Variants in PTPRK observed in about 807,000 individuals in gnomAD.
PTPRK encodes the protein protein tyrosine phosphatase receptor type K.
In PTPRK, 75 loss-of-function variants were observed where a neutral mutation model predicts 178.0. The ratio of observed to expected loss-of-function variants is 0.42; its 90% CI spans 0.35 to 0.51. The LOEUF (loss-of-function observed/expected upper bound fraction) is 0.51. Among genes scored for constraint, PTPRK ranks in the 20% least tolerant of loss-of-function variants. The probability of loss-of-function intolerance (pLI) is 0.02; values close to 1 mark genes in which losing one functional copy is unlikely to be tolerated. For missense variants in PTPRK, 1,441 were observed against 1,797.8 expected (o/e 0.80, Z 3.59); for synonymous variants, 637 against 620.6 (o/e 1.03, Z -0.39).
chr6:128,295,443 G>C (rs977909113), intron 3 of PTPRK, among the ~76,000 whole-genome samples: 1 of 151,670 alleles, frequency 6.6e-6, no homozygotes, highest in African/African-American at 2.4e-5. Context: ...AAGGAGGATG[G>C]ATTTTTTTAC....
intron 9 of PTPRK, among the ~76,000 whole-genome samples, chr6:128,083,195 A>T (rs1330191393): frequency 6.6e-6 from 1 of 152,100 alleles, no homozygotes; most frequent in Non-Finnish European, 1.5e-5. Context: ...AACTTAAATG[A>T]TTCTTTCATT....
intron 3 of PTPRK, among the ~76,000 whole-genome samples, chr6:128,257,930 G>C (rs1313374225): frequency 2.0e-5 from 3 of 152,026 alleles, no homozygotes; most frequent in Non-Finnish European, 2.9e-5. Context: ...CAAAGTTCCA[G>C]TTCTCAAAAA....
At chr6:128,008,111 G>A in intron 14 of PTPRK, 1 of 1,301,664 alleles carries the variant, frequency 7.7e-7, no homozygotes, top group Non-Finnish European at 1.0e-6. Context: ...TCGTAAAGAG[G>A]CAATATATTA....
chr6:128,451,787 T>C (rs1847829161), intron 1 of PTPRK, among the ~76,000 whole-genome samples: 1 of 152,166 alleles, frequency 6.6e-6, no homozygotes, highest in Non-Finnish European at 1.5e-5. Flanking sequence ...TAAACCTAAG[T>C]TATTTTAGAC....
chr6:128,033,022 T>C (rs868806042), intron 13 of PTPRK, among the ~76,000 whole-genome samples: 1 of 152,208 alleles, frequency 6.6e-6, no homozygotes, highest in Non-Finnish European at 1.5e-5. Flanking sequence ...GCTGTTTTTA[T>C]GTCTGAATAG....
intron 6 of PTPRK, among the ~76,000 whole-genome samples, chr6:128,205,603 T>C (rs935935626): frequency 6.6e-6 from 1 of 151,338 alleles, no homozygotes; most frequent in African/African-American, 2.4e-5. Flanking sequence ...CGAAACCCCA[T>C]CTCTATTAAA....
At chr6:128,339,980 G>A (rs1439975878) in intron 2 of PTPRK, among the ~76,000 whole-genome samples, 1 of 152,088 alleles carries the variant, frequency 6.6e-6, no homozygotes, top group Non-Finnish European at 1.5e-5. Flanking sequence ...AAATCCAAAG[G>A]TCAGAATTGC....
chr6:128,012,759 T>C (rs1304413503), intron 13 of PTPRK, among the ~76,000 whole-genome samples: 1 of 151,496 alleles, frequency 6.6e-6, no homozygotes, highest in African/African-American at 2.4e-5. Context: ...AAATTAAAAC[T>C]ATCTTAATAG....
At position 128,067,689 on chromosome 6, in the gene PTPRK, T is replaced by C. The variant is rs1016379668; in HGVS notation, c.1987A>G (p.Ser663Gly). ...QVPVTYQNAM[S>G]GGAPYYFAAE... is the part of the protein sequence containing the mutation. ...GCAAAGTAATACGGTGCACCCCCAC[T>C]CATGGCATTTTGGTATGTGACAGGA... Residue 663 changes from serine to glycine, a missense_variant, in exon 12 of 30, where the codon AGT becomes GGT. Ser to Gly is a moderately conservative substitution (Grantham distance 56). This residue lies in a region of PTPRK where 945 missense variants were observed against 1,080.6 expected (regional missense o/e 0.87). Coordinates refer to ENST00000368226, the MANE Select transcript of PTPRK (RefSeq NM_002844.4). The C allele has an allele frequency of 1.9e-6, 3 of 1,613,708 alleles. No homozygotes were observed. In the African/African-American group the frequency reaches 4.0e-5, roughly 22 times the overall value.
chr6:128,092,297 C>T (rs1787120084), intron 7 of PTPRK, among the ~76,000 whole-genome samples: 1 of 152,034 alleles, frequency 6.6e-6, no homozygotes. Flanking sequence ...AAAATAGTGA[C>T]TTAGACATAA....
chr6:128,391,253 G>GT (rs1839517053), intron 2 of PTPRK, among the ~76,000 whole-genome samples: 1 of 151,984 alleles, frequency 6.6e-6, no homozygotes, highest in Admixed American at 6.6e-5. Context: ...ACTTTTTGAG[G>GT]TTTTCCCATC....
chr6:128,444,583 C>G (rs1846697428), intron 1 of PTPRK, among the ~76,000 whole-genome samples: 1 of 152,152 alleles, frequency 6.6e-6, no homozygotes, highest in Admixed American at 6.5e-5. Context: ...TACTGTGCAG[C>G]TCTGGTTTTC....
intron 3 of PTPRK, among the ~76,000 whole-genome samples, chr6:128,243,151 G>A (rs534486887): frequency 6.6e-6 from 1 of 152,126 alleles, no homozygotes; most frequent in African/African-American, 2.4e-5. Context: ...TAATCTCTAT[G>A]GCTACAAAGG....
chr6:128,177,564 A>G (rs77972050), intron 7 of PTPRK, among the ~76,000 whole-genome samples: 5,507 of 151,900 alleles, frequency 0.036, 341 homozygotes, highest in African/African-American at 0.13. Flanking sequence ...CAGTCAGATG[A>G]CACAATTTTA....
chr6:128,191,664 A>T (rs778204196), intron 6 of PTPRK, among the ~76,000 whole-genome samples: 3 of 152,160 alleles, frequency 2.0e-5, no homozygotes, highest in Non-Finnish European at 4.4e-5. Flanking sequence ...AAAAGACCAC[A>T]TTGTACAACT....
At chr6:128,311,229 C>T (rs1445961764) in intron 3 of PTPRK, among the ~76,000 whole-genome samples, 1 of 152,140 alleles carries the variant, frequency 6.6e-6, no homozygotes, top group Non-Finnish European at 1.5e-5. Flanking sequence ...GCGAACAACG[C>T]AACTTCATAG....
At position 128,149,208 on chromosome 6, in the gene PTPRK, C is replaced by A. The variant is rs115734140; in HGVS notation, c.1162+35224G>T. 5.8e-3 allele frequency among the ~76,000 whole-genome samples: 884 copies of A among 151,446 alleles called. 4 individuals are homozygous for A. Among genetic ancestry groups the A allele is most frequent in the African/African-American group, 0.02 (840 of 41,234 alleles). ...GGAGGGATAGCCCTAATGTAAATGACCAGTTAACAGGTACAGCACACCAAC... is the reference window on the plus strand; with the variant it reads ...GGAGGGATAGCCCTAATGTAAATGAACAGTTAACAGGTACAGCACACCAAC... On this transcript the variant is annotated intron_variant, in intron 7 of 29. Coordinates refer to ENST00000368226, the MANE Select transcript of PTPRK (RefSeq NM_002844.4).
chr6:127,985,669 C>A lies in PTPRK; in HGVS notation c.3251+52G>T, dbSNP rs1057468462. Reference sequence around the variant, plus strand: ...TGTGCTCAAAAGCCTTGTCTTGATACTCTAAAAAAAGCTGATTGCATACAG... The same window carrying A: ...TGTGCTCAAAAGCCTTGTCTTGATAATCTAAAAAAAGCTGATTGCATACAG... On this transcript the variant is annotated intron_variant, in intron 22 of 29. Coordinates refer to ENST00000368226, the MANE Select transcript of PTPRK (RefSeq NM_002844.4). 5 of 1,504,714 alleles carry A rather than the reference C, an allele frequency of 3.3e-6. No individual in the cohort carries two copies. In the East Asian group the frequency reaches 6.9e-5, roughly 21 times the overall value. The allele number at this position is 1,504,714 out of a possible 1,614,324, so 93.2% of individuals were successfully genotyped here.
At chr6:128,410,534 C>A (rs1330989140) in intron 1 of PTPRK, among the ~76,000 whole-genome samples, 1 of 152,140 alleles carries the variant, frequency 6.6e-6, no homozygotes, top group African/African-American at 2.4e-5. Flanking sequence ...ATTATTTCTA[C>A]CAAAACATTA....
Sources: gnomAD v4.1 joint callset for allele counts (sites outside exome capture counted in the v4.1 genomes callset) on GRCh38, gnomAD v4.1.1 for gene constraint, gnomAD v4.1.1 regional missense constraint, MANE v1.5 for transcripts, NCBI Gene and HGNC (gene_info 2026-07-23, HGNC 2026-07-21) for gene names.